The following COL6A6 variants were observed in gnomAD, a reference collection of about 807,000 sequenced individuals.
The protein encoded by COL6A6 is collagen alpha-6(VI) chain.
COL6A6 carries 183 observed loss-of-function variants against 208.6 expected under a neutral mutation model. The observed-to-expected ratio is 0.88, with a 90% confidence interval of 0.78 to 0.99. The LOEUF is 0.99. Ranked by LOEUF, COL6A6 falls within the 50% of genes least tolerant of loss-of-function variation. COL6A6 has a pLI of 0.00. For synonymous variants in COL6A6, 973 were observed against 1,011.8 expected, an observed-to-expected ratio of 0.96 and a Z score of 0.73; for missense variants, 2,816 against 2,815.2, an observed-to-expected ratio of 1.00 and a Z score of -0.01.
chr3:130,673,919 T>C (rs2066296091), intron 36 of COL6A6, among the ~76,000 whole-genome samples: 1 of 152,124 alleles, frequency 6.6e-6, no homozygotes, highest in Non-Finnish European at 1.5e-5. Context: ...ATGGCAACAC[T>C]GCACTCCAGC....
intron 1 of COL6A6, among the ~76,000 whole-genome samples, chr3:130,525,404 A>G (rs578044369): frequency 6.6e-6 from 1 of 152,362 alleles, no homozygotes; most frequent in South Asian, 2.1e-4. Flanking sequence ...ATGTTTGAGA[A>G]GTCGCTCAGG....
intron 6 of COL6A6, among the ~76,000 whole-genome samples, chr3:130,569,499 G>A (rs368140384): frequency 1.3e-5 from 2 of 152,242 alleles, no homozygotes; most frequent in Admixed American, 6.5e-5. Flanking sequence ...GAAAATGAAG[G>A]ACATAGATCT....
At chr3:130,644,835 T>C (rs1044969370) in intron 31 of COL6A6, among the ~76,000 whole-genome samples, 156 bp from the exon 32 acceptor site, 3 of 152,264 alleles carry the variant, frequency 2.0e-5, no homozygotes, top group Admixed American at 2.0e-4. Flanking sequence ...TTTACCAAGA[T>C]GTTAGACTCT....
At position 130,571,328 on chromosome 3, in the gene COL6A6, C is replaced by A; in HGVS notation, c.2912C>A (p.Thr971Asn). 6.2e-7 allele frequency: 1 copy of A among 1,612,722 alleles called. No homozygotes were observed. Residue 971 changes from threonine (T) to asparagine (N), a missense_variant, in exon 7 of 37, where the codon ACT (threonine) becomes AAT (asparagine). Physicochemically the swap from Thr to Asn is moderately conservative, Grantham distance 65. Transcript: ENST00000358511. ...AGCGACAAGTACTTCTTCGTGGAGA[C>A]TTTTGGAGGTCTGAAGGGAATATTT... ...GSSDKYFFVE[T>N]FGGLKGIFSD...
In COL6A6 at chr3:130,560,308, A is replaced by G. The variant is rs1404919667; in HGVS notation, c.-31-26A>G. 7 of 1,382,536 alleles carry G rather than the reference A, an allele frequency of 5.1e-6. No individual in the cohort carries two copies. In the East Asian group the frequency reaches 1.6e-4, roughly 32 times the overall value. The allele number at this position is 1,382,536 out of a possible 1,614,324, so 85.6% of individuals were successfully genotyped here. ...TAATTCCCAAATAATATCCACAACA[A>G]TTTGTTTATATTTTTGCCTTTTCAG... On this transcript the variant is annotated intron_variant, in intron 1 of 36. Transcript: ENST00000358511.
At chr3:130,595,954 A>G (rs1228378396) in intron 18 of COL6A6, among the ~76,000 whole-genome samples, 1 of 152,226 alleles carries the variant, frequency 6.6e-6, no homozygotes, top group Non-Finnish European at 1.5e-5. Flanking sequence ...ACTCATCAGA[A>G]TGGTTACAAT....
At position 130,571,363 on chromosome 3, in the gene COL6A6, A is replaced by G; in HGVS notation, c.2947A>G (p.Thr983Ala). The change falls in exon 7 of 37, where the codon ACA (threonine) becomes GCA (alanine). Residue 983 changes from threonine (T) to alanine (A), a missense_variant. Thr to Ala is a moderately conservative substitution (Grantham distance 58, BLOSUM62 0). Transcript: ENST00000358511. ...TCTGAAGGGAATATTTTCAGATGTG[A>G]CAGCCAGTGTCTGCAACTCTTCAAA... is the stretch of plus-strand genomic sequence containing the variant. ...GGLKGIFSDV[T>A]ASVCNSSKVD... 1 of 1,593,380 alleles carries G rather than the reference A, an allele frequency of 6.3e-7. No homozygotes were observed. The highest frequency in any genetic ancestry group is 8.5e-7 in the Non-Finnish European group (1 of 1,171,714).
At chr3:130,538,121 C>T (rs2062268066) in intron 1 of COL6A6, among the ~76,000 whole-genome samples, 1 of 152,172 alleles carries the variant, frequency 6.6e-6, no homozygotes, top group African/African-American at 2.4e-5. Context: ...GTGGAAAAAG[C>T]ACTGGACTCA....
chr3:130,619,181 A>G (rs1163149896), intron 23 of COL6A6, among the ~76,000 whole-genome samples: 1 of 152,156 alleles, frequency 6.6e-6, no homozygotes, highest in African/African-American at 2.4e-5. Flanking sequence ...GTCTCTAAGG[A>G]ATGAGAAAGA....
chr3:130,607,508 G>A (rs2064219956), intron 21 of COL6A6, among the ~76,000 whole-genome samples: 1 of 152,088 alleles, frequency 6.6e-6, no homozygotes, highest in Admixed American at 6.6e-5. Context: ...CACATCCTCA[G>A]ATTAAAAATA....
chr3:130,528,828 C>T (rs145993224), intron 1 of COL6A6, among the ~76,000 whole-genome samples: 19 of 152,276 alleles, frequency 1.2e-4, no homozygotes, highest in African/African-American at 4.1e-4. Flanking sequence ...CAGTGGCTCA[C>T]GCCTGTAATC....
chr3:130,568,622 C>CA lies in COL6A6; in HGVS notation c.2401+19dup. On this transcript the variant is annotated intron_variant, in intron 6 of 36. Coordinates refer to ENST00000358511, the MANE Select transcript of COL6A6 (RefSeq NM_001102608.3). The stretch of plus-strand genomic sequence containing the variant: ...CCGTGAAGGTAGGCATGGGCATACT[C>CA]ACTAGCAGGACTATCCGAACAACAG... The CA allele has an allele frequency of 1.3e-6, 2 of 1,570,706 alleles. No individual in the cohort carries two copies. Among genetic ancestry groups the CA allele is most frequent in the East Asian group, 4.5e-5 (2 of 44,752 alleles).
rs55922459 is a variant in COL6A6 at position 130,608,103 on chromosome 3, C to A, written c.4690-799C>A. Reference sequence around the variant, plus strand: ...GGATGGAGTCCTCATGACCTAATCACCTCCTAAAGGCCCCACCTGTTAATA... The same window carrying A: ...GGATGGAGTCCTCATGACCTAATCAACTCCTAAAGGCCCCACCTGTTAATA... On this transcript the variant is annotated intron_variant, in intron 21 of 36. Coordinates refer to ENST00000358511, the MANE Select transcript of COL6A6 (RefSeq NM_001102608.3). Among the ~76,000 whole-genome samples, 1,176 of 152,254 alleles carry A rather than the reference C, an allele frequency of 7.7e-3. 12 individuals are homozygous for A. The highest frequency in any genetic ancestry group is 0.027 in the African/African-American group (1,122 of 41,542).
At chr3:130,608,234 C>A (rs888651726) in intron 21 of COL6A6, among the ~76,000 whole-genome samples, 6 of 152,050 alleles carry the variant, frequency 3.9e-5, no homozygotes, top group Non-Finnish European at 7.4e-5. Context: ...GAGAACCTAC[C>A]TAGTAAAATG....
upstream of COL6A6, among the ~76,000 whole-genome samples, chr3:130,517,136 CG>C (rs1268866155): frequency 6.6e-6 from 1 of 152,158 alleles, no homozygotes; most frequent in African/African-American, 2.4e-5. Flanking sequence ...GGGCCCGGGG[CG>C]GGGAGAAGCG....
At chr3:130,552,786 G>A (rs1199126737) in intron 1 of COL6A6, among the ~76,000 whole-genome samples, 1 of 149,802 alleles carries the variant, frequency 6.7e-6, no homozygotes, top group Non-Finnish European at 1.5e-5. Flanking sequence ...AGCCAGTAAT[G>A]GTCTTTCCTT....
intron 23 of COL6A6, among the ~76,000 whole-genome samples, 197 bp downstream of exon 23, chr3:130,610,908 G>A (rs1277466076): frequency 6.6e-6 from 1 of 152,100 alleles, no homozygotes; most frequent in Non-Finnish European, 1.5e-5. Flanking sequence ...CAGACACAGA[G>A]GTAGAAAATC....
chr3:130,592,401 T>G, intron 13 of COL6A6, 140 bp from the exon 14 acceptor site: 1 of 663,990 alleles, frequency 1.5e-6, no homozygotes, highest in South Asian at 2.0e-5. Flanking sequence ...ATTTCTACTC[T>G]TAGTTTTTAT....
intron 23 of COL6A6, among the ~76,000 whole-genome samples, chr3:130,615,096 C>T (rs1335193083): frequency 1.3e-5 from 2 of 152,006 alleles, no homozygotes; most frequent in Non-Finnish European, 2.9e-5. Context: ...TCCCTCTTAA[C>T]ACTGCCTTAT....
Sources: allele counts gnomAD v4.1 joint callset (sites outside exome capture counted in the v4.1 genomes callset), GRCh38; gene constraint gnomAD v4.1.1; transcripts MANE v1.5; gene names NCBI Gene and HGNC (gene_info 2026-07-23, HGNC 2026-07-21).